Variants in PAPPA observed in about 807,000 individuals in gnomAD.
PAPPA encodes the protein pappalysin 1, also known as pappalysin-1.
In PAPPA, 60 loss-of-function variants were observed where a neutral mutation model predicts 164.0. The ratio of observed to expected loss-of-function variants is 0.37; its 90% CI spans 0.30 to 0.45. The LOEUF is 0.45. Ranked by LOEUF, PAPPA falls within the 20% of genes least tolerant of loss-of-function variation. The pLI is 1.00. For missense variants in PAPPA, 1,782 were observed against 2,087.3 expected, an observed-to-expected ratio of 0.85 and a Z score of 2.85; for synonymous variants, 875 against 814.1, an observed-to-expected ratio of 1.07 and a Z score of -1.27.
chr9:116,194,439 AATTTT>A (rs1174665203), intron 2 of PAPPA, among the ~76,000 whole-genome samples: 2 of 152,202 alleles, frequency 1.3e-5, no homozygotes, highest in Non-Finnish European at 2.9e-5. Context: ...AATTGCTTGG[AATTTT>A]ATAATCAGAA....
At chr9:116,195,047 A>C (rs1309029471) in intron 2 of PAPPA, among the ~76,000 whole-genome samples, 1 of 152,196 alleles carries the variant, frequency 6.6e-6, no homozygotes, top group Non-Finnish European at 1.5e-5. Context: ...GTTAAAGGAC[A>C]TATTTCTGTA....
In PAPPA at chr9:116,186,261, G is replaced by T. The variant is rs574539631; in HGVS notation, c.416-893G>T. On this transcript the variant is annotated intron_variant, in intron 1 of 21. Transcript: ENST00000328252. ...GTATCTATATCTATATATCTATATA[G>T]ATATATAGATATAGATATAGATATA... 6.7e-4 allele frequency among the ~76,000 whole-genome samples: 93 copies of T among 139,276 alleles called. 1 individual carries two copies. The East Asian group carries it at 0.016, about 24-fold the overall frequency. 91.4% of individuals were successfully genotyped at this position (139,276 alleles called of 152,430 possible).
At chr9:116,176,091 G>T (rs1308871814) in intron 1 of PAPPA, among the ~76,000 whole-genome samples, 2 of 152,188 alleles carry the variant, frequency 1.3e-5, no homozygotes, top group African/African-American at 4.8e-5. Context: ...AAGACTGAAG[G>T]TCTACTGGAA....
chr9:116,299,098 A>G (rs1424959045), intron 9 of PAPPA, among the ~76,000 whole-genome samples: 1 of 152,150 alleles, frequency 6.6e-6, no homozygotes, highest in African/African-American at 2.4e-5. Context: ...GGGCTGGCAG[A>G]TGTAGCTGAA....
At position 116,302,945 on chromosome 9, in the gene PAPPA, T is replaced by C; in HGVS notation, c.3142T>C (p.Ser1048Pro). The change falls in exon 10 of 22, where the codon TCC (serine) becomes CCC (proline). Residue 1048 changes from serine to proline, a missense_variant. Ser to Pro is a moderately conservative substitution (Grantham distance 74). Coordinates refer to ENST00000328252, the MANE Select transcript of PAPPA (RefSeq NM_002581.5). ...GGTCATCATCGGACAGCCAGCAGCATCCCAGGTAAGATCCTAACCATGTGT... is the reference window on the plus strand; with the variant it reads ...GGTCATCATCGGACAGCCAGCAGCACCCCAGGTAAGATCCTAACCATGTGT... Reference protein sequence around the residue: ...GWVIIGQPAASQVCRTKVIDL... With the variant: ...GWVIIGQPAAPQVCRTKVIDL... 6.2e-7 allele frequency: 1 copy of C among 1,613,280 alleles called. No homozygotes were observed. The highest frequency in any genetic ancestry group is 8.5e-7 in the Non-Finnish European group (1 of 1,179,820).
At chr9:116,253,500 A>G (rs372489719) in intron 7 of PAPPA, among the ~76,000 whole-genome samples, 1 of 152,308 alleles carries the variant, frequency 6.6e-6, no homozygotes, top group South Asian at 2.1e-4. Flanking sequence ...ATGTTAAACT[A>G]TCTTTCAAAA....
chr9:116,265,820 T>A, intron 7 of PAPPA, 37 bp from the exon 8 acceptor site: 3 of 1,551,936 alleles, frequency 1.9e-6, no homozygotes, highest in Non-Finnish European at 2.7e-6. Flanking sequence ...TGCCCAGTAT[T>A]GTAATTGTAT....
chr9:116,237,497 G>A (rs368495219), intron 7 of PAPPA, among the ~76,000 whole-genome samples: 4 of 152,038 alleles, frequency 2.6e-5, no homozygotes, highest in African/African-American at 9.7e-5. Context: ...CTCGAGTTAC[G>A]AGCCTATGAG....
chr9:116,254,447 A>G (rs1257433341), intron 7 of PAPPA, among the ~76,000 whole-genome samples: 2 of 152,188 alleles, frequency 1.3e-5, no homozygotes, highest in Non-Finnish European at 2.9e-5. Flanking sequence ...GTGATCTTAT[A>G]TTTATACAAA....
At chr9:116,207,165 T>G (rs1024165025) in intron 2 of PAPPA, among the ~76,000 whole-genome samples, 2 of 152,138 alleles carry the variant, frequency 1.3e-5, no homozygotes, top group African/African-American at 4.8e-5. Context: ...TTGAACTTAG[T>G]AAGGTATGAA....
chr9:116,234,647 C>A (rs1844637782), intron 6 of PAPPA, among the ~76,000 whole-genome samples: 1 of 152,168 alleles, frequency 6.6e-6, no homozygotes, highest in South Asian at 2.1e-4. Context: ...GCAAAGAATA[C>A]AGATTCCAAA....
intron 6 of PAPPA, among the ~76,000 whole-genome samples, chr9:116,232,585 C>T (rs929985006): frequency 5.3e-5 from 8 of 152,214 alleles, no homozygotes; most frequent in Non-Finnish European, 1.2e-4. Flanking sequence ...AAATGAATTT[C>T]ATAAGACCTG....
At chr9:116,252,764 C>T (rs939095944) in intron 7 of PAPPA, among the ~76,000 whole-genome samples, 2 of 152,208 alleles carry the variant, frequency 1.3e-5, no homozygotes, top group African/African-American at 4.8e-5. Context: ...CTACTGCTCA[C>T]TCCACCCAAC....
intron 21 of PAPPA, among the ~76,000 whole-genome samples, chr9:116,391,884 G>A (rs894802677): frequency 6.6e-6 from 1 of 152,084 alleles, no homozygotes; most frequent in Non-Finnish European, 1.5e-5. Flanking sequence ...AGCTGCTTGG[G>A]GAGTCAGGGA....
At chr9:116,248,278 G>A (rs1249037920) in intron 7 of PAPPA, among the ~76,000 whole-genome samples, 2 of 152,198 alleles carry the variant, frequency 1.3e-5, no homozygotes, top group East Asian at 3.8e-4. Flanking sequence ...GCTGGCCCTG[G>A]ATCAGGAGAC....
intron 7 of PAPPA, among the ~76,000 whole-genome samples, chr9:116,245,257 T>G (rs1478782022): frequency 6.6e-6 from 1 of 152,146 alleles, no homozygotes; most frequent in Non-Finnish European, 1.5e-5. Context: ...GAATTCACTC[T>G]GCCATCTATG....
intron 1 of PAPPA, among the ~76,000 whole-genome samples, chr9:116,165,129 A>G (rs1843706850): frequency 6.6e-6 from 1 of 152,192 alleles, no homozygotes; most frequent in South Asian, 2.1e-4. Context: ...ACAACTTAGA[A>G]TGTTACTTCT....
At chr9:116,375,975 A>T (rs554019320) in intron 19 of PAPPA, among the ~76,000 whole-genome samples, 1 of 151,612 alleles carries the variant, frequency 6.6e-6, no homozygotes, top group East Asian at 1.9e-4. Context: ...GTAATCTGGC[A>T]TGAAAACTGG....
intron 10 of PAPPA, among the ~76,000 whole-genome samples, chr9:116,318,956 C>T (rs887119197): frequency 6.6e-6 from 1 of 152,162 alleles, no homozygotes; most frequent in African/African-American, 2.4e-5. Context: ...GCCACAGTCT[C>T]CCGAAAGGGG....
Sources: allele counts gnomAD v4.1 joint callset (sites outside exome capture counted in the v4.1 genomes callset), GRCh38; gene constraint gnomAD v4.1.1; transcripts MANE v1.5; gene names NCBI Gene and HGNC (gene_info 2026-07-23, HGNC 2026-07-21).